DCC: variants seen among roughly 807,000 people sequenced by gnomAD.
DCC encodes netrin receptor DCC.
Under a neutral mutation model 172.5 loss-of-function variants are expected in DCC, and 58 were observed. That is an observed-to-expected ratio of 0.34 (90% CI 0.27 to 0.42). DCC has a LOEUF of 0.42. Ranked by LOEUF, DCC falls within the 10% of genes least tolerant of loss-of-function variation. DCC has a pLI of 1.00. For synonymous variants in DCC, 709 were observed against 644.5 expected (o/e 1.10, Z -1.52); for missense variants, 1,740 against 1,791.0 (o/e 0.97, Z 0.51).
chr18:53,186,720 G>C (rs2055287779), intron 9 of DCC, among the ~76,000 whole-genome samples: 1 of 152,176 alleles, frequency 6.6e-6, no homozygotes, highest in Non-Finnish European at 1.5e-5. Flanking sequence ...TTCTTTGTCT[G>C]TTTCTGCTGT....
At chr18:52,709,111 G>T (rs1466163333) in intron 1 of DCC, among the ~76,000 whole-genome samples, 1 of 152,150 alleles carries the variant, frequency 6.6e-6, no homozygotes, top group Non-Finnish European at 1.5e-5. Context: ...GAAACACGGA[G>T]GGGCACCTGG....
intron 9 of DCC, among the ~76,000 whole-genome samples, chr18:53,184,356 G>T (rs79388219): frequency 6.6e-6 from 1 of 151,954 alleles, no homozygotes; most frequent in African/African-American, 2.4e-5. Flanking sequence ...CTTAAGGAAG[G>T]AAATACATTC....
At chr18:52,683,967 G>T (rs1013698357) in intron 1 of DCC, among the ~76,000 whole-genome samples, 6 of 152,030 alleles carry the variant, frequency 3.9e-5, no homozygotes, top group African/African-American at 9.7e-5. Flanking sequence ...GGAACCTCTA[G>T]TTTCCAAGTT....
chr18:52,460,299 GTCTC>G (rs1988592036), intron 1 of DCC, among the ~76,000 whole-genome samples: 1 of 151,820 alleles, frequency 6.6e-6, no homozygotes, highest in South Asian at 2.1e-4. Flanking sequence ...GTTTCCAATT[GTCTC>G]CATATGGCTA....
At chr18:53,192,652 G>A (rs2055383071) in intron 9 of DCC, among the ~76,000 whole-genome samples, 1 of 152,198 alleles carries the variant, frequency 6.6e-6, no homozygotes. Context: ...ATTAATAGAA[G>A]TAGGGTGTGA....
intron 9 of DCC, among the ~76,000 whole-genome samples, chr18:53,194,610 C>T (rs935138244): frequency 6.6e-6 from 1 of 152,124 alleles, no homozygotes; most frequent in Non-Finnish European, 1.5e-5. Context: ...GCTGAGATTA[C>T]AGGCACGTGC....
chr18:53,094,954 A>G (rs950499100), intron 7 of DCC, among the ~76,000 whole-genome samples: 4 of 152,332 alleles, frequency 2.6e-5, no homozygotes, highest in Admixed American at 6.5e-5. Context: ...CTAGAACTCT[A>G]TATTAAATGA....
intron 1 of DCC, among the ~76,000 whole-genome samples, chr18:52,418,671 A>G (rs1987131987): frequency 6.6e-6 from 1 of 152,020 alleles, no homozygotes; most frequent in Non-Finnish European, 1.5e-5. Context: ...TCACAGGTGC[A>G]ACCTCTCCCC....
chr18:52,722,941 G>A (rs1229163598), intron 1 of DCC, among the ~76,000 whole-genome samples: 1 of 141,236 alleles, frequency 7.1e-6, no homozygotes, highest in South Asian at 2.2e-4. Flanking sequence ...AAATGTTTTG[G>A]TTCCATTTTC....
chr18:52,556,554 T>A (rs1252603070), intron 1 of DCC, among the ~76,000 whole-genome samples: 1 of 152,010 alleles, frequency 6.6e-6, no homozygotes, highest in Non-Finnish European at 1.5e-5. Context: ...ATACCCCAAT[T>A]CATGCAAGGG....
At chr18:52,507,679 C>T (rs1262331340) in intron 1 of DCC, among the ~76,000 whole-genome samples, 1 of 152,188 alleles carries the variant, frequency 6.6e-6, no homozygotes, top group East Asian at 1.9e-4. Context: ...CCCAGCTAAA[C>T]CTTTTCTTTT....
chr18:52,363,577 A>G (rs1329452275), intron 1 of DCC, among the ~76,000 whole-genome samples: 1 of 152,224 alleles, frequency 6.6e-6, no homozygotes, highest in African/African-American at 2.4e-5. Flanking sequence ...CAGTTCTCAG[A>G]AAGTTTGAGA....
intron 1 of DCC, among the ~76,000 whole-genome samples, chr18:52,673,560 C>T (rs1568034228): frequency 6.6e-6 from 1 of 152,158 alleles, no homozygotes. Context: ...TCGGATAAGA[C>T]AGTGTTTGCC....
At chr18:52,686,454 C>T (rs1419694399) in intron 1 of DCC, among the ~76,000 whole-genome samples, 1 of 152,064 alleles carries the variant, frequency 6.6e-6, no homozygotes, top group Non-Finnish European at 1.5e-5. Context: ...CAAAGAAACA[C>T]AACAGTATCT....
intron 1 of DCC, among the ~76,000 whole-genome samples, chr18:52,499,461 A>G (rs1323274751): frequency 6.6e-6 from 1 of 152,244 alleles, no homozygotes; most frequent in East Asian, 1.9e-4. Context: ...TGGCAGCCTT[A>G]TCTTCACTAT....
At chr18:53,187,454 A>G (rs1192458900) in intron 9 of DCC, among the ~76,000 whole-genome samples, 1 of 152,186 alleles carries the variant, frequency 6.6e-6, no homozygotes, top group African/African-American at 2.4e-5. Flanking sequence ...AGTTAGTGTT[A>G]CAAAGTTTCA....
chr18:53,091,811 A>ATCTATC (rs1568299173), intron 7 of DCC, among the ~76,000 whole-genome samples: 3 of 141,268 alleles, frequency 2.1e-5, no homozygotes, highest in Admixed American at 1.4e-4. Context: ...CACTGTACAT[A>ATCTATC]TATCTATCTA....
At chr18:53,147,559 G>A (rs2043934454) in intron 7 of DCC, among the ~76,000 whole-genome samples, 1 of 152,018 alleles carries the variant, frequency 6.6e-6, no homozygotes, top group Admixed American at 6.6e-5. Flanking sequence ...AAAATTTAGG[G>A]ATGGGTAGCA....
In DCC at chr18:52,905,235, A is replaced by G. The variant is rs757139338; in HGVS notation, c.413-809A>G. Among the ~76,000 whole-genome samples the G allele has an allele frequency of 9.7e-4, 146 of 150,888 alleles. 1 individual carries two copies. The highest frequency in any genetic ancestry group is 6.3e-4 in the South Asian group (3 of 4,742). ...ATGTAATGGCCAGTTTATTTCTTTT[A>G]TTTTTTCCTTATATTGGTCATTCAT... On this transcript the variant is annotated intron_variant, in intron 2 of 28. Coordinates refer to ENST00000442544, the MANE Select transcript of DCC (RefSeq NM_005215.4).
Sources: allele counts gnomAD v4.1 joint callset (sites outside exome capture counted in the v4.1 genomes callset), GRCh38; gene constraint gnomAD v4.1.1; transcripts MANE v1.5; gene names NCBI Gene and HGNC (gene_info 2026-07-23, HGNC 2026-07-21).